Variants in NCOA2 observed in about 807,000 individuals in gnomAD.
NCOA2 encodes class E basic helix-loop-helix protein 75.
A neutral mutation model predicts 145.1 loss-of-function variants in NCOA2; 21 were observed. The observed-to-expected ratio is 0.14, with a 90% CI of 0.10 to 0.21. The LOEUF is 0.21. Among genes scored for constraint, NCOA2 ranks in the 10% least tolerant of loss-of-function variants. The pLI, the probability that NCOA2 is intolerant of heterozygous loss-of-function variation, is 1.00. For missense variants in NCOA2, 1,472 were observed against 1,837.6 expected, an observed-to-expected ratio of 0.80 and a Z score of 3.64; for synonymous variants, 619 against 637.5, an observed-to-expected ratio of 0.97 and a Z score of 0.44.
intron 1 of NCOA2, among the ~76,000 whole-genome samples, chr8:70,385,429 A>T (rs893929897): frequency 6.6e-6 from 1 of 152,054 alleles, no homozygotes; most frequent in African/African-American, 2.4e-5. Context: ...AAGAAACTCC[A>T]ATTTTATTTT....
chr8:70,170,099 T>C (rs750544581), intron 6 of NCOA2, 103 bp downstream of exon 6: 5 of 1,101,942 alleles, frequency 4.5e-6, no homozygotes, highest in Non-Finnish European at 6.5e-6. Context: ...CCATCTGATA[T>C]AATATAGTTT....
chr8:70,199,301 AT>A (rs1470725302), intron 4 of NCOA2, among the ~76,000 whole-genome samples: 1 of 151,988 alleles, frequency 6.6e-6, no homozygotes, highest in African/African-American at 2.4e-5. Context: ...TACAAAAAAA[AT>A]TACCTGGGTG....
chr8:70,315,410 T>C (rs1384673627), intron 1 of NCOA2, among the ~76,000 whole-genome samples: 1 of 152,216 alleles, frequency 6.6e-6, no homozygotes, highest in Non-Finnish European at 1.5e-5. Context: ...GATTCTTTCA[T>C]GTCCACGCCT....
intron 4 of NCOA2, among the ~76,000 whole-genome samples, chr8:70,191,612 G>A (rs760305083): frequency 2.0e-5 from 3 of 152,076 alleles, no homozygotes; most frequent in Non-Finnish European, 4.4e-5. Context: ...AAGAAAAGGA[G>A]GAAGAGAGAG....
chr8:70,377,428 A>AT (rs1356855549), intron 1 of NCOA2, among the ~76,000 whole-genome samples: 2 of 152,152 alleles, frequency 1.3e-5, no homozygotes, highest in Non-Finnish European at 2.9e-5. Flanking sequence ...AGTACATTAC[A>AT]TTTTTTAGTA....
At position 70,138,327 on chromosome 8, in the gene NCOA2, A is replaced by G. The variant is rs778128711; in HGVS notation, c.3034T>C (p.Ser1012Pro). ...LQSQVMNIGP[S>P]ELEMNMGGPQ... ...CCCCCCATGTTCATCTCTAATTCAG[A>G]TGGCCCTAGAAAGGGAGAAGAAAAA... The change falls in exon 15 of 23, where the codon TCT becomes CCT. Residue 1012 changes from serine to proline, a missense_variant. By Grantham distance (74) the Ser-to-Pro change is moderately conservative. Transcript: ENST00000452400. The G allele has an allele frequency of 1.2e-6, 2 of 1,608,148 alleles. No homozygotes were observed. Among genetic ancestry groups the G allele is most frequent in the Admixed American group, 3.4e-5 (2 of 58,712 alleles).
intron 1 of NCOA2, chr8:70,402,258 G>C (rs1226570985): frequency 6.6e-6 from 1 of 152,400 alleles, no homozygotes; most frequent in Non-Finnish European, 1.5e-5. Context: ...GAAGGCGTCG[G>C]AGGAGGTGGA....
intron 4 of NCOA2, among the ~76,000 whole-genome samples, chr8:70,203,934 T>C (rs550142600): frequency 7.2e-5 from 11 of 152,306 alleles, no homozygotes; most frequent in Middle Eastern, 3.4e-3. Flanking sequence ...AAACAATATG[T>C]CTATTTAAAA....
the NCOA2 span, among the ~76,000 whole-genome samples, chr8:70,418,093 G>T: frequency 6.6e-6 from 1 of 152,130 alleles, no homozygotes; most frequent in Non-Finnish European, 1.5e-5. Flanking sequence ...GCATAGTAGC[G>T]ATACTCCCTC....
At chr8:70,210,683 C>A (rs1395403764) in intron 4 of NCOA2, among the ~76,000 whole-genome samples, 1 of 152,124 alleles carries the variant, frequency 6.6e-6, no homozygotes, top group Non-Finnish European at 1.5e-5. Flanking sequence ...TGAGAAGTAA[C>A]TGACAGAGCA....
chr8:70,362,592 C>T (rs1810305818), intron 1 of NCOA2, among the ~76,000 whole-genome samples: 1 of 152,070 alleles, frequency 6.6e-6, no homozygotes, highest in African/African-American at 2.4e-5. Flanking sequence ...AATGAAAACT[C>T]AATTACATAT....
chr8:70,402,856 GCGCCGCCGGGGCCCGGCCCCCGGCTCCC>G (rs1282325043), intron 1 of NCOA2, among the ~76,000 whole-genome samples: 2 of 145,136 alleles, frequency 1.4e-5, no homozygotes, highest in African/African-American at 5.0e-5. Context: ...GCCCGGCTCG[GCGCCGCCGGGGCCCGGCCCCCGGCTCCC>G]CGCCCCCACC....
At chr8:70,218,029 T>C (rs549796652) in intron 2 of NCOA2, among the ~76,000 whole-genome samples, 5 of 150,316 alleles carry the variant, frequency 3.3e-5, no homozygotes, top group African/African-American at 4.9e-5. Flanking sequence ...TTAAGGAAGA[T>C]GACAGAGGAC....
At chr8:70,393,796 T>C (rs913048207) in intron 1 of NCOA2, among the ~76,000 whole-genome samples, 1 of 152,244 alleles carries the variant, frequency 6.6e-6, no homozygotes, top group Non-Finnish European at 1.5e-5. Flanking sequence ...AGAAATGAGA[T>C]AATAAACGAT....
chr8:70,267,820 T>C (rs1824739400), intron 2 of NCOA2, among the ~76,000 whole-genome samples: 1 of 152,228 alleles, frequency 6.6e-6, no homozygotes, highest in Non-Finnish European at 1.5e-5. Flanking sequence ...AAACGTTAGG[T>C]ATTTATAACC....
intron 16 of NCOA2, among the ~76,000 whole-genome samples, chr8:70,130,992 G>A (rs1809030313): frequency 6.6e-6 from 1 of 152,128 alleles, no homozygotes; most frequent in African/African-American, 2.4e-5. Flanking sequence ...CTAAAAGCAG[G>A]GACTTCCTTT....
At chr8:70,199,553 C>T (rs950345838) in intron 4 of NCOA2, among the ~76,000 whole-genome samples, 15 of 151,638 alleles carry the variant, frequency 9.9e-5, no homozygotes, top group African/African-American at 3.2e-4. Flanking sequence ...CTCTGATCAA[C>T]GGGAGTCGCT....
intron 2 of NCOA2, among the ~76,000 whole-genome samples, chr8:70,255,094 C>T (rs1237146786): frequency 6.6e-6 from 1 of 152,176 alleles, no homozygotes; most frequent in African/African-American, 2.4e-5. Flanking sequence ...CTGAGGATTA[C>T]CTCTGACCCA....
intron 2 of NCOA2, among the ~76,000 whole-genome samples, chr8:70,246,505 C>T (rs1315060832): frequency 6.6e-6 from 1 of 152,062 alleles, no homozygotes; most frequent in African/African-American, 2.4e-5. Context: ...TTGTAACTGG[C>T]TTCCTCATCT....
Sources: allele counts gnomAD v4.1 joint callset (sites outside exome capture counted in the v4.1 genomes callset), GRCh38; gene constraint gnomAD v4.1.1; transcripts MANE v1.5; gene names NCBI Gene and HGNC (gene_info 2026-07-23, HGNC 2026-07-21).